POLDIP3: variants seen among roughly 807,000 people sequenced by gnomAD.
The protein encoded by POLDIP3 is polymerase delta-interacting protein 3.
In POLDIP3, 14 loss-of-function variants were observed where a neutral mutation model predicts 45.1. The observed-to-expected ratio is 0.31, with a 90% CI of 0.20 to 0.49. The LOEUF (loss-of-function observed/expected upper bound fraction) is 0.49. Ranked by LOEUF, POLDIP3 falls within the 20% of genes least tolerant of loss-of-function variation. POLDIP3 has a pLI of 0.99. For missense variants in POLDIP3, 511 were observed against 538.8 expected (o/e 0.95, Z 0.51); for synonymous variants, 223 against 205.2 (o/e 1.09, Z -0.74).
Position 42,602,775 on chromosome 22 carries a change from T to C in POLDIP3, c.445A>G (p.Ile149Val), listed in dbSNP as rs966068565. ...TGACAAAAGCCACAACTCACCTGGA[T>C]GGTTTTGGTGAGCTTCAGAGCAGGG... ...VTPALKLTKT[I>V]QVPQQKAMAP... The change falls in exon 2 of 9, where the codon ATC becomes GTC. Residue 149 changes from isoleucine to valine, a missense_variant. Ile to Val is a conservative substitution (Grantham distance 29). Around this residue, in one of 4 missense-constraint regions of POLDIP3, gnomAD observed 378 missense variants for 352.3 expected, o/e 1.07. Coordinates refer to ENST00000252115, the MANE Select transcript of POLDIP3 (RefSeq NM_032311.5). 1.9e-6 allele frequency: 3 copies of C among 1,595,106 alleles called. No individual in the cohort carries two copies. The highest frequency in any genetic ancestry group is 2.7e-5 in the African/African-American group (2 of 74,394).
At chr22:42,606,141 CA>C in intron 1 of POLDIP3, among the ~76,000 whole-genome samples, 1 of 150,474 alleles carries the variant, frequency 6.6e-6, no homozygotes, top group Middle Eastern at 3.4e-3. Context: ...GACTCTGTTT[CA>C]AAAAAAATAA....
In POLDIP3 at chr22:42,596,275, G is replaced by T; in HGVS notation, c.724C>A (p.Pro242Thr). The T allele has an allele frequency of 6.2e-7, 1 of 1,614,170 alleles. No individual in the cohort carries two copies. The highest frequency in any genetic ancestry group is 8.5e-7 in the Non-Finnish European group (1 of 1,179,974). ...AAGGCTTTTGTTCGAATAGAGGAAG[G>T]GAGAGCAGGAGCTGTGTATGCATCA... ...QNDAYTAPAL[P>T]SSIRTKALTN... The change falls in exon 5 of 9, where the codon CCT becomes ACT. Residue 242 changes from proline (P) to threonine (T), a missense_variant. By Grantham distance (38) the Pro-to-Thr change is conservative (BLOSUM62 -1). This residue lies in a region of POLDIP3 where 378 missense variants were observed against 352.3 expected (regional missense o/e 1.07). Transcript: ENST00000252115.
intron 7 of POLDIP3, among the ~76,000 whole-genome samples, chr22:42,589,492 G>C (rs1284373572): frequency 6.6e-6 from 1 of 151,960 alleles, no homozygotes; most frequent in Non-Finnish European, 1.5e-5. Context: ...AAAATACACA[G>C]AAGTGAAAGG....
intron 1 of POLDIP3, among the ~76,000 whole-genome samples, chr22:42,612,848 C>A (rs558459738): frequency 6.6e-6 from 1 of 152,150 alleles, no homozygotes; most frequent in South Asian, 2.1e-4. Flanking sequence ...AAAAAAAACC[C>A]TTCTCACATT....
In POLDIP3 at chr22:42,602,056, C is replaced by T. The variant is rs373787080; in HGVS notation, c.451G>A (p.Val151Ile). The change falls in exon 3 of 9, where the codon GTT (valine) becomes ATT (isoleucine). Residue 151 changes from valine (V) to isoleucine (I), a missense_variant and splice_region_variant. Transcript: ENST00000252115. ...PALKLTKTIQ[V>I]PQQKAMAPLH... ...GGTGCCATGGCTTTCTGCTGTGGAA[C>T]CTGGAAACACTCAGTGGTCAGAATC... 3.1e-6 allele frequency: 5 copies of T among 1,613,992 alleles called. No homozygotes were observed. Among genetic ancestry groups the T allele is most frequent in the Non-Finnish European group, 3.4e-6 (4 of 1,180,004 alleles).
At chr22:42,598,474 A>G (rs976459765) in intron 4 of POLDIP3, among the ~76,000 whole-genome samples, 2 of 151,010 alleles carry the variant, frequency 1.3e-5, no homozygotes, top group African/African-American at 4.9e-5. Flanking sequence ...GATGGTCTCG[A>G]TCTCCTGACT....
chr22:42,596,061 T>C, intron 5 of POLDIP3, 125 bp downstream of exon 5: 1 of 1,082,900 alleles, frequency 9.2e-7, no homozygotes, highest in Non-Finnish European at 1.3e-6. Context: ...GGTCTTGGTT[T>C]GCTCATCTGT....
chr22:42,596,378 A>G lies in POLDIP3; in HGVS notation c.634-13T>C. On this transcript the variant is annotated splice_polypyrimidine_tract_variant and intron_variant, in intron 4 of 8. Transcript: ENST00000252115. ...TGCTTAGCCCAGCCTAAACGAAGAG[A>G]CAGAAAAGAATCTGAGAAGCCAGAC... The G allele has an allele frequency of 6.2e-7, 1 of 1,611,062 alleles. No homozygotes were observed. Among genetic ancestry groups the G allele is most frequent in the Non-Finnish European group, 8.5e-7 (1 of 1,178,556 alleles).
intron 1 of POLDIP3, among the ~76,000 whole-genome samples, chr22:42,606,989 G>A (rs993566040): frequency 3.3e-5 from 5 of 152,294 alleles, no homozygotes; most frequent in African/African-American, 1.2e-4. Flanking sequence ...AAAACACCAG[G>A]AGCAGTAGCT....
chr22:42,605,422 G>C (rs896211622), intron 1 of POLDIP3, among the ~76,000 whole-genome samples: 3 of 152,238 alleles, frequency 2.0e-5, no homozygotes, highest in African/African-American at 7.2e-5. Flanking sequence ...CACTGCGCCC[G>C]GCAGTTTCTG....
chr22:42,608,337 C>CGTTTG (rs1926904390), intron 1 of POLDIP3, among the ~76,000 whole-genome samples: 1 of 146,516 alleles, frequency 6.8e-6, no homozygotes, highest in Non-Finnish European at 1.5e-5. Context: ...GCAGGAGGAT[C>CGTTTG]AACTAAGCCC....
rs1050872057 is a variant in POLDIP3, at chr22:42,585,009, G to A, written c.*782C>T. The A allele has an allele frequency of 2.2e-5, 10 of 456,218 alleles. 1 individual carries two copies. Among genetic ancestry groups the A allele is most frequent in the East Asian group, 2.1e-4 (3 of 14,406 alleles). The allele number at this position is 456,218 out of a possible 1,614,324, so 28.3% of individuals were successfully genotyped here. A position where few individuals can be genotyped will look rare whatever the true frequency, so the allele number is the denominator to read the frequency against. ...TTAAGTGCCAGGCGAGGTGAGAACC[G>A]GGAGGGCTCACAACACAGCCCCCTC... On this transcript the variant is annotated 3_prime_UTR_variant, in exon 9 of 9. Transcript: ENST00000252115.
chr22:42,609,216 C>T (rs1926966390), intron 1 of POLDIP3, among the ~76,000 whole-genome samples: 1 of 152,188 alleles, frequency 6.6e-6, no homozygotes, highest in Non-Finnish European at 1.5e-5. Flanking sequence ...ACTGACGTTC[C>T]CAAAACACAT....
At chr22:42,614,288 A>G (rs909614240) in intron 1 of POLDIP3, among the ~76,000 whole-genome samples, 1 of 152,216 alleles carries the variant, frequency 6.6e-6, no homozygotes, top group Non-Finnish European at 1.5e-5. Context: ...GAAAACTTAA[A>G]ACGCCGCACA....
intron 4 of POLDIP3, chr22:42,597,825 G>T (rs1162835186): frequency 1.3e-5 from 6 of 445,874 alleles, no homozygotes; most frequent in South Asian, 8.1e-5. Context: ...CTGTCACCCA[G>T]GCTGGAGTGC....
chr22:42,609,251 GT>G (rs1926968320), intron 1 of POLDIP3, among the ~76,000 whole-genome samples: 1 of 152,232 alleles, frequency 6.6e-6, no homozygotes, highest in Non-Finnish European at 1.5e-5. Context: ...CTCAGTAAAT[GT>G]TTGGGAGGGC....
intron 4 of POLDIP3, among the ~76,000 whole-genome samples, chr22:42,596,569 C>T (rs550555697): frequency 6.6e-6 from 1 of 152,304 alleles, no homozygotes; most frequent in South Asian, 2.1e-4. Flanking sequence ...AACACACAGC[C>T]TGAACGCGCA....
chr22:42,586,280 T>C (rs1925307465), intron 8 of POLDIP3, among the ~76,000 whole-genome samples: 2 of 152,172 alleles, frequency 1.3e-5, no homozygotes, highest in Non-Finnish European at 1.5e-5. Context: ...TGTGTTTTTC[T>C]TATTTACTGA....
chr22:42,609,672 G>T (rs537208584), intron 1 of POLDIP3, among the ~76,000 whole-genome samples: 112 of 152,256 alleles, frequency 7.4e-4, no homozygotes, highest in Non-Finnish European at 1.4e-3. Context: ...CATGAGCCAA[G>T]ATCGCACCAC....
Sources: gnomAD v4.1 joint callset for allele counts (sites outside exome capture counted in the v4.1 genomes callset) on GRCh38, gnomAD v4.1.1 for gene constraint, gnomAD v4.1.1 regional missense constraint, MANE v1.5 for transcripts, NCBI Gene and HGNC (gene_info 2026-07-23, HGNC 2026-07-21) for gene names.